LRRC8C: variants seen among roughly 807,000 people sequenced by gnomAD.
LRRC8C encodes leucine rich repeat containing 8 VRAC subunit C, also known as volume-regulated anion channel subunit LRRC8C.
In LRRC8C, 20 loss-of-function variants were observed where a neutral mutation model predicts 55.3. The observed-to-expected ratio is 0.36, with a 90% CI of 0.25 to 0.53. LRRC8C has a LOEUF of 0.53. Ranked by LOEUF, LRRC8C falls within the 20% of genes least tolerant of loss-of-function variation. The probability of loss-of-function intolerance (pLI) is 0.92; values close to 1 mark genes in which losing one functional copy is unlikely to be tolerated. For synonymous variants in LRRC8C, 376 were observed against 360.7 expected, an observed-to-expected ratio of 1.04 and a Z score of -0.48; for missense variants, 659 against 951.4, an observed-to-expected ratio of 0.69 and a Z score of 4.04.
At chr1:89,668,257 A>G (rs546791328) in intron 1 of LRRC8C, 13 of 152,708 alleles carry the variant, frequency 8.5e-5, no homozygotes, top group African/African-American at 3.1e-4. Flanking sequence ...GGAACAGTGC[A>G]ATATTTGGGG....
intron 1 of LRRC8C, among the ~76,000 whole-genome samples, chr1:89,639,520 C>T (rs1418219617): frequency 6.6e-6 from 1 of 152,072 alleles, no homozygotes; most frequent in East Asian, 1.9e-4. Context: ...ATGCTCCCTT[C>T]CCCCCCAACA....
intron 2 of LRRC8C, 94 bp from the exon 3 acceptor site, chr1:89,712,615 A>G (rs374815517): frequency 2.4e-5 from 20 of 832,842 alleles, no homozygotes; most frequent in South Asian, 2.1e-4. Context: ...GGAAATGGAC[A>G]TTTATTGGAT....
At chr1:89,648,305 C>T in intron 1 of LRRC8C, among the ~76,000 whole-genome samples, 1 of 152,052 alleles carries the variant, frequency 6.6e-6, no homozygotes, top group South Asian at 2.1e-4. Flanking sequence ...TGTTCGTATT[C>T]AAAGCCTATA....
the LRRC8C span, among the ~76,000 whole-genome samples, chr1:89,616,849 G>T: frequency 6.6e-6 from 1 of 152,136 alleles, no homozygotes; most frequent in African/African-American, 2.4e-5. Context: ...ACAAAGTGAG[G>T]ATATGAATAC....
intron 1 of LRRC8C, among the ~76,000 whole-genome samples, chr1:89,641,509 G>A (rs1428034156): frequency 6.6e-6 from 1 of 152,102 alleles, no homozygotes; most frequent in Non-Finnish European, 1.5e-5. Flanking sequence ...GAAGGAGATT[G>A]TGAATTCTAC....
intron 2 of LRRC8C, 65 bp downstream of exon 2, chr1:89,686,676 A>G: frequency 6.4e-7 from 1 of 1,565,416 alleles, no homozygotes; most frequent in Non-Finnish European, 8.7e-7. Context: ...AAACCTCTTT[A>G]GGGAGCTGGC....
intron 1 of LRRC8C, 98 bp from the exon 2 acceptor site, chr1:89,686,372 C>G: frequency 3.2e-6 from 4 of 1,259,584 alleles, no homozygotes; most frequent in Non-Finnish European, 4.5e-6. Context: ...TGAACTAATT[C>G]AGACCTCTGC....
Position 89,712,945 on chromosome 1 carries a change from G to C in LRRC8C, c.375G>C (p.Lys125Asn). ...CYERALHWYA[K>N]YFPYLVLIHT... Reference sequence around the variant, plus strand: ...AGCGAGCCCTCCACTGGTATGCCAAGTATTTCCCTTACCTTGTCCTCATCC... The same window carrying C: ...AGCGAGCCCTCCACTGGTATGCCAACTATTTCCCTTACCTTGTCCTCATCC... The change falls in exon 3 of 3, where the codon AAG becomes AAC. Residue 125 changes from lysine (K) to asparagine (N), a missense_variant. This residue lies in a region of LRRC8C where 200 missense variants were observed against 360.5 expected (regional missense o/e 0.55). Transcript: ENST00000370454. 6.2e-7 allele frequency: 1 copy of C among 1,613,708 alleles called. No homozygotes were observed.
chr1:89,684,160 GGTTCTCCTCATT>G (rs1251165757), intron 1 of LRRC8C, among the ~76,000 whole-genome samples: 1 of 151,830 alleles, frequency 6.6e-6, no homozygotes, highest in African/African-American at 2.4e-5. Context: ...AATACTTCAG[GGTTCTCCTCATT>G]GTTTTAGAGC....
In LRRC8C at chr1:89,705,950, A is replaced by G. The variant is rs147739160; in HGVS notation, c.139-6759A>G. On this transcript the variant is annotated intron_variant, in intron 2 of 2. Transcript: ENST00000370454. ...ACAAGTGAAAACACACACCATAAGGAGGAAGAATCAACATCATGTCAGTTC... is the reference window on the plus strand; with the variant it reads ...ACAAGTGAAAACACACACCATAAGGGGGAAGAATCAACATCATGTCAGTTC... Among the ~76,000 whole-genome samples, 353 of 152,278 alleles carry G rather than the reference A, an allele frequency of 2.3e-3. 1 individual carries two copies. The highest frequency in any genetic ancestry group is 3.4e-3 in the Middle Eastern group (1 of 294).
intron 1 of LRRC8C, chr1:89,676,522 G>A (rs1022405497): frequency 5.9e-5 from 9 of 152,236 alleles, no homozygotes; most frequent in African/African-American, 1.7e-4. Flanking sequence ...TCTATCTAAG[G>A]GGATAATAAC....
At chr1:89,631,265 G>T (rs1417597108), upstream of LRRC8C, among the ~76,000 whole-genome samples, 1 of 152,110 alleles carries the variant, frequency 6.6e-6, no homozygotes, top group Non-Finnish European at 1.5e-5. Context: ...GGAGGGGGCA[G>T]ATAAAAAGAA....
chr1:89,712,618 TA>T, intron 2 of LRRC8C, 90 bp from the exon 3 acceptor site: 2 of 847,432 alleles, frequency 2.4e-6, no homozygotes, highest in East Asian at 5.2e-5. Context: ...AATGGACATT[TA>T]TTGGATGTTA....
At position 89,715,797 on chromosome 1, in the gene LRRC8C, A is replaced by G. The variant is rs1658802859; in HGVS notation, c.*815A>G. On this transcript the variant is annotated 3_prime_UTR_variant, in exon 3 of 3. Coordinates refer to ENST00000370454, the MANE Select transcript of LRRC8C (RefSeq NM_032270.5). ...ATAGATAATTAAATTTTAAAATGAT[A>G]GAAGCCTGGTTTTTGAGTAATTTAA... 6.6e-6 allele frequency: 1 copy of G among 152,218 alleles called. No individual in the cohort carries two copies. Among genetic ancestry groups the G allele is most frequent in the Admixed American group, 6.5e-5 (1 of 15,272 alleles). The allele number at this position is 152,218 out of a possible 1,614,324, so 9.4% of individuals were successfully genotyped here.
intron 2 of LRRC8C, among the ~76,000 whole-genome samples, chr1:89,689,650 A>G (rs1657975521): frequency 6.6e-6 from 1 of 152,108 alleles, no homozygotes; most frequent in South Asian, 2.1e-4. Flanking sequence ...CAAGAGAAAA[A>G]GAGAAATCGG....
intron 1 of LRRC8C, among the ~76,000 whole-genome samples, chr1:89,651,461 G>A (rs1041545453): frequency 6.6e-5 from 10 of 150,780 alleles, no homozygotes; most frequent in Non-Finnish European, 1.0e-4. Context: ...CCAGCTACTC[G>A]GGAGGCTGAG....
intron 1 of LRRC8C, among the ~76,000 whole-genome samples, chr1:89,684,995 A>C (rs1657827099): frequency 6.6e-6 from 1 of 152,226 alleles, no homozygotes; most frequent in Admixed American, 6.5e-5. Flanking sequence ...TGTATAAGAA[A>C]GTCACAATGC....
chr1:89,682,484 A>G (rs1657745444), intron 1 of LRRC8C, among the ~76,000 whole-genome samples: 1 of 152,176 alleles, frequency 6.6e-6, no homozygotes, highest in Non-Finnish European at 1.5e-5. Flanking sequence ...CTCGGTTCTC[A>G]AAGTATGGTT....
At chr1:89,706,514 A>G (rs1658486394) in intron 2 of LRRC8C, 1 of 333,970 alleles carries the variant, frequency 3.0e-6, no homozygotes, top group South Asian at 2.3e-5. Flanking sequence ...CATACATCAT[A>G]CAAAAATGTA....
Sources: gnomAD v4.1 joint callset for allele counts (sites outside exome capture counted in the v4.1 genomes callset) on GRCh38, gnomAD v4.1.1 for gene constraint, gnomAD v4.1.1 regional missense constraint, MANE v1.5 for transcripts, NCBI Gene and HGNC (gene_info 2026-07-23, HGNC 2026-07-21) for gene names.